Variants in DPYD observed in about 807,000 individuals in gnomAD.
DPYD encodes dihydropyrimidine dehydrogenase [NADP(+)].
A neutral mutation model predicts 116.2 loss-of-function variants in DPYD; 109 were observed. That is an observed-to-expected ratio of 0.94 (90% CI 0.80 to 1.10). DPYD has a LOEUF of 1.10. DPYD is among the 50% of genes least tolerant of loss of function. The pLI is 0.00. For synonymous variants in DPYD, 440 were observed against 432.0 expected, an observed-to-expected ratio of 1.02 and a Z score of -0.23; for missense variants, 1,302 against 1,254.5, an observed-to-expected ratio of 1.04 and a Z score of -0.57.
chr1:97,766,144 G>A (rs1665842944), intron 3 of DPYD, among the ~76,000 whole-genome samples: 1 of 152,110 alleles, frequency 6.6e-6, no homozygotes, highest in Non-Finnish European at 1.5e-5. Context: ...AGGAGACTGA[G>A]GCAGGAGAAT....
chr1:97,201,274 C>A (rs1175901091), intron 19 of DPYD, among the ~76,000 whole-genome samples: 3 of 151,998 alleles, frequency 2.0e-5, no homozygotes, highest in African/African-American at 7.2e-5. Context: ...AACTAAATTT[C>A]TCCTGTTTTC....
chr1:97,597,000 T>C (rs1402970187), intron 8 of DPYD, among the ~76,000 whole-genome samples: 2 of 152,142 alleles, frequency 1.3e-5, no homozygotes, highest in Non-Finnish European at 2.9e-5. Flanking sequence ...AAAGGTATAT[T>C]AGTAACAGAA....
Position 97,671,033 on chromosome 1 carries a change from G to C in DPYD, c.850+8062C>G, listed in dbSNP as rs144494331. Among the ~76,000 whole-genome samples the C allele has an allele frequency of 1.6e-3, 246 of 151,986 alleles. 1 individual carries two copies. Among genetic ancestry groups the C allele is most frequent in the African/African-American group, 5.6e-3 (233 of 41,520 alleles). ...TAAACACAAAGAAGGTAAATGCAAA[G>C]AAGATAAAATATTTTAAAATATAAT... On this transcript the variant is annotated intron_variant, in intron 8 of 22. Transcript: ENST00000370192.
At chr1:97,719,606 G>A (rs983916651) in intron 5 of DPYD, among the ~76,000 whole-genome samples, 2 of 151,550 alleles carry the variant, frequency 1.3e-5, no homozygotes, top group South Asian at 2.1e-4. Context: ...CAGTGAAAAC[G>A]GAGTTACTCG....
intron 21 of DPYD, among the ~76,000 whole-genome samples, chr1:97,088,966 C>T (rs900377338): frequency 1.6e-4 from 25 of 152,136 alleles, no homozygotes; most frequent in Non-Finnish European, 3.7e-4. Flanking sequence ...TTTCTGTTCC[C>T]TCCTGTTTAT....
intron 18 of DPYD, among the ~76,000 whole-genome samples, chr1:97,264,750 G>A (rs181918307): frequency 1.3e-5 from 2 of 152,008 alleles, no homozygotes; most frequent in Admixed American, 6.6e-5. Context: ...AACACCACAA[G>A]GCAAAGCTAA....
At chr1:97,461,695 A>G (rs1399301604) in intron 13 of DPYD, among the ~76,000 whole-genome samples, 1 of 152,228 alleles carries the variant, frequency 6.6e-6, no homozygotes, top group East Asian at 1.9e-4. Context: ...CTGTTTTCTC[A>G]TCATTCTACT....
chr1:97,583,221 G>A (rs879576450), intron 10 of DPYD, among the ~76,000 whole-genome samples: 12 of 152,060 alleles, frequency 7.9e-5, no homozygotes, highest in Non-Finnish European at 1.6e-4. Context: ...CACCCGCCCC[G>A]GCTTCCCAAA....
chr1:97,559,601 T>C lies in DPYD; in HGVS notation c.1340-9857A>G, dbSNP rs1164150221. Among the ~76,000 whole-genome samples the C allele has an allele frequency of 3.3e-5, 5 of 152,128 alleles. No individual in the cohort carries two copies. The South Asian group carries it at 1.0e-3, about 31-fold the overall frequency. The stretch of plus-strand genomic sequence containing the variant: ...TCATAAGTTCCTGTAATTTTAGCTT[T>C]AGCAGCTCATTAATGTTATTTTTTG... On this transcript the variant is annotated intron_variant, in intron 11 of 22. Coordinates refer to ENST00000370192, the MANE Select transcript of DPYD (RefSeq NM_000110.4).
At chr1:97,435,790 A>G (rs1430203458) in intron 14 of DPYD, among the ~76,000 whole-genome samples, 1 of 151,892 alleles carries the variant, frequency 6.6e-6, no homozygotes, top group Non-Finnish European at 1.5e-5. Context: ...TAAATATCTA[A>G]AGAGTATTCC....
At chr1:97,168,699 T>C (rs1007144533) in intron 20 of DPYD, among the ~76,000 whole-genome samples, 13 of 152,120 alleles carry the variant, frequency 8.5e-5, no homozygotes, top group African/African-American at 2.9e-4. Context: ...AGTTTAGATA[T>C]ATTCTAGATG....
chr1:97,298,869 A>C (rs1007954111), intron 18 of DPYD, among the ~76,000 whole-genome samples: 1 of 151,934 alleles, frequency 6.6e-6, no homozygotes, highest in African/African-American at 2.4e-5. Flanking sequence ...CTCAACTAGG[A>C]CTCTTTTCCT....
At chr1:97,527,152 C>T (rs1326085749) in intron 12 of DPYD, among the ~76,000 whole-genome samples, 1 of 151,390 alleles carries the variant, frequency 6.6e-6, no homozygotes, top group Non-Finnish European at 1.5e-5. Flanking sequence ...GATCTCGGCT[C>T]ACTGCAAGAT....
intron 13 of DPYD, among the ~76,000 whole-genome samples, chr1:97,482,345 C>A (rs1485019400): frequency 6.6e-6 from 1 of 152,164 alleles, no homozygotes; most frequent in Non-Finnish European, 1.5e-5. Flanking sequence ...AATGTCACAT[C>A]ATAAACACCT....
At chr1:97,438,866 A>G (rs543888345) in intron 14 of DPYD, among the ~76,000 whole-genome samples, 121 of 152,098 alleles carry the variant, frequency 8.0e-4, no homozygotes, top group African/African-American at 2.8e-3. Flanking sequence ...CTTCCTTTGC[A>G]GTCTTTTATT....
At chr1:97,435,964 A>T (rs1212014162) in intron 14 of DPYD, among the ~76,000 whole-genome samples, 3 of 152,032 alleles carry the variant, frequency 2.0e-5, no homozygotes, top group Non-Finnish European at 2.9e-5. Flanking sequence ...ATTCTGCTAA[A>T]TAAAAACTTT....
intron 8 of DPYD, among the ~76,000 whole-genome samples, chr1:97,659,394 T>C (rs1194621315): frequency 1.3e-5 from 2 of 152,162 alleles, no homozygotes; most frequent in African/African-American, 4.8e-5. Flanking sequence ...AGATTATAAA[T>C]ACAGTCTGTA....
At chr1:97,737,063 T>C (rs1663996659) in intron 4 of DPYD, among the ~76,000 whole-genome samples, 1 of 152,170 alleles carries the variant, frequency 6.6e-6, no homozygotes, top group African/African-American at 2.4e-5. Flanking sequence ...AGGAAATCAC[T>C]TATCTACTTT....
At chr1:97,817,283 C>T (rs1216633844) in intron 3 of DPYD, among the ~76,000 whole-genome samples, 1 of 152,036 alleles carries the variant, frequency 6.6e-6, no homozygotes, top group Non-Finnish European at 1.5e-5. Context: ...AAAGAGGCAA[C>T]ACATTTTTTA....
Sources: allele counts gnomAD v4.1 joint callset (sites outside exome capture counted in the v4.1 genomes callset), GRCh38; gene constraint gnomAD v4.1.1; transcripts MANE v1.5; gene names NCBI Gene and HGNC (gene_info 2026-07-23, HGNC 2026-07-21).